Variants in MEFV observed in about 807,000 individuals in gnomAD.
MEFV encodes the protein MEFV innate immunity regulator, pyrin, also known as pyrin.
In MEFV, 60 loss-of-function variants were observed where a neutral mutation model predicts 62.5. The ratio of observed to expected loss-of-function variants is 0.96; its 90% CI spans 0.78 to 1.19. MEFV has a LOEUF of 1.19. Ranked by LOEUF, MEFV falls within the 50% of genes most tolerant of loss-of-function variation. The probability of loss-of-function intolerance (pLI) is 0.00; values close to 1 mark genes in which losing one functional copy is unlikely to be tolerated. For synonymous variants in MEFV, 500 were observed against 415.2 expected, an observed-to-expected ratio of 1.20 and a Z score of -2.48; for missense variants, 1,169 against 1,004.5, an observed-to-expected ratio of 1.16 and a Z score of -2.21.
intron 4 of MEFV, chr16:3,247,482 G>A (rs1958960261): frequency 3.5e-6 from 2 of 566,222 alleles, no homozygotes; most frequent in South Asian, 2.1e-5. Flanking sequence ...AGGTTTAACT[G>A]TGTCCCTTCC....
Position 3,254,499 on chromosome 16 carries a change from G to C in MEFV, c.569C>G (p.Pro190Arg). The change falls in exon 2 of 10, where the codon CCC (proline) becomes CGC (arginine). Residue 190 changes from proline to arginine, a missense_variant. Physicochemically the swap from Pro to Arg is moderately radical, Grantham distance 103 (BLOSUM62 -2). Transcript: ENST00000219596. Reference sequence around the variant, plus strand: ...CTGGCCCCCCTCTAGCGCCCTGCAGGGGCCGGGGCTTCTCCCGCCCGGCAG... The same window carrying C: ...CTGGCCCCCCTCTAGCGCCCTGCAGCGGCCGGGGCTTCTCCCGCCCGGCAG... Reference protein sequence around the residue: ...PALPGGRSPGPCRALEGGQAE... With the variant: ...PALPGGRSPGRCRALEGGQAE... 1 of 1,572,566 alleles carries C rather than the reference G, an allele frequency of 6.4e-7. No homozygotes were observed. The highest frequency in any genetic ancestry group is 1.4e-5 in the African/African-American group (1 of 73,796).
In MEFV at chr16:3,256,592, C is replaced by T. The variant is rs933481836; in HGVS notation, c.-5G>A. On this transcript the variant is annotated 5_prime_UTR_variant, in exon 1 of 10. Coordinates refer to ENST00000219596, the MANE Select transcript of MEFV (RefSeq NM_000243.3). ...GTCACTAGGGGTCTTAGCCATGGTG[C>T]TGAGCAGGAGAGGCTCGAGCCAGCT... 1 of 1,614,146 alleles carries T rather than the reference C, an allele frequency of 6.2e-7. No individual in the cohort carries two copies. The highest frequency in any genetic ancestry group is 1.3e-5 in the African/African-American group (1 of 75,018).
Position 3,243,475 on chromosome 16 carries a change from T to C in MEFV, c.2012A>G (p.Lys671Arg). 6.2e-7 allele frequency: 1 copy of C among 1,614,130 alleles called. No homozygotes were observed. The highest frequency in any genetic ancestry group is 1.1e-5 in the South Asian group (1 of 91,082). ...GTTCCCTTTCCTGCTTATGGATGTC[T>C]TGCAGGCTCCCAGGATCCATGCTGT... ...DKTAWILGAC[K>R]TSISRKGNMT... The change falls in exon 10 of 10, where the codon AAG becomes AGG. Residue 671 changes from lysine to arginine, a missense_variant. Lys to Arg is a conservative substitution (Grantham distance 26). Transcript: ENST00000219596.
At chr16:3,248,257 T>C (rs1320768454) in intron 4 of MEFV, among the ~76,000 whole-genome samples, 3 of 142,892 alleles carry the variant, frequency 2.1e-5, no homozygotes, top group African/African-American at 7.9e-5. Context: ...AGACTCCATC[T>C]TGGAAACAAA....
At chr16:3,248,601 G>T in intron 4 of MEFV, 1 of 563,984 alleles carries the variant, frequency 1.8e-6, no homozygotes, top group Non-Finnish European at 2.7e-6. Context: ...AAAAAAGAAA[G>T]TGGCGTTCTC....
Position 3,254,605 on chromosome 16 carries a change from TC to T in MEFV, c.462del (p.Arg155GlyfsTer4). On this transcript the variant is annotated frameshift_variant, in exon 2 of 10. Transcript: ENST00000219596. LOFTEE classifies it high-confidence loss of function. ...TCTCTGCGTTTGCTCAGGGGCTTCC[TC>T]GACAGCCCCCTCCCGGCCTCGGGCT... ...CSQPEAGRGL[S>X]RKPLSKRREK... 1 of 1,600,692 alleles carries T rather than the reference TC, an allele frequency of 6.2e-7. No individual in the cohort carries two copies. The highest frequency in any genetic ancestry group is 8.5e-7 in the Non-Finnish European group (1 of 1,176,060).
At chr16:3,247,904 C>T (rs1164787790) in intron 4 of MEFV, 1 of 144,206 alleles carries the variant, frequency 6.9e-6, no homozygotes, top group African/African-American at 2.6e-5. Context: ...CACTGCACCC[C>T]AGCCTGGACG....
rs770613291 is a variant in MEFV, at chr16:3,244,582, C to G, written c.1617G>C (p.Lys539Asn). Residue 539 changes from lysine to asparagine, a missense_variant, in exon 7 of 10, where the codon AAG becomes AAC. Lys to Asn is a moderately conservative substitution (Grantham distance 94). Coordinates refer to ENST00000219596, the MANE Select transcript of MEFV (RefSeq NM_000243.3). ...TCCACTTTTCAGGGACAGGCACTGT[C>G]TTAGCCCTAGAGACAAAAGACTGTT... is the stretch of plus-strand genomic sequence containing the variant. ...QDIGDILHRA[K>N]TVPVPEKWTT... The G allele has an allele frequency of 3.1e-6, 5 of 1,613,496 alleles. No individual in the cohort carries two copies. In the Admixed American group the frequency reaches 5.0e-5, roughly 16 times the overall value.
At position 3,242,672 on chromosome 16, in the gene MEFV, CAAAAA is replaced by C. The variant is rs61379197; in HGVS notation, c.*464_*468del. 1,111 of 180,262 alleles carry C rather than the reference CAAAAA, an allele frequency of 6.2e-3. 10 individuals are homozygous for C. The highest frequency in any genetic ancestry group is 0.02 in the African/African-American group (774 of 39,368). The allele number at this position is 180,262 out of a possible 1,614,324, so 11.2% of individuals were successfully genotyped here. A position where few individuals can be genotyped will look rare whatever the true frequency, so the allele number is the denominator to read the frequency against. The stretch of plus-strand genomic sequence containing the variant: ...TGGGCCACAGAGCAAGATTTGGTCT[CAAAAA>C]AAAAAAAAAAAAATCATAGTTCATT... On this transcript the variant is annotated 3_prime_UTR_variant, in exon 10 of 10. Transcript: ENST00000219596.
In MEFV at chr16:3,256,378, G is replaced by A; in HGVS notation, c.210C>T (p.Thr70=). 1 of 1,614,120 alleles carries A rather than the reference G, an allele frequency of 6.2e-7. No individual in the cohort carries two copies. The highest frequency in any genetic ancestry group is 8.5e-7 in the Non-Finnish European group (1 of 1,180,042). The change falls in exon 1 of 10, where the codon ACC becomes ACT. Residue 70 remains threonine, a synonymous_variant. Coordinates refer to ENST00000219596, the MANE Select transcript of MEFV (RefSeq NM_000243.3). ...YYGEEYAVQL[T]LQVLRAINQR... is the part of the protein sequence containing the mutation. Reference sequence around the variant, plus strand: ...GGTTGATGGCCCGCAGGACCTGCAGGGTGAGCTGCACGGCGTACTCTTCCC... The same window carrying A: ...GGTTGATGGCCCGCAGGACCTGCAGAGTGAGCTGCACGGCGTACTCTTCCC...
chr16:3,254,907 C>T (rs1050456386), intron 1 of MEFV, 117 bp from the exon 2 acceptor site: 7 of 1,535,978 alleles, frequency 4.6e-6, no homozygotes, highest in African/African-American at 2.7e-5. Context: ...AGGAAAACAA[C>T]GGGCCGGGCG....
chr16:3,255,127 G>A (rs889191078), intron 1 of MEFV, among the ~76,000 whole-genome samples: 1 of 152,162 alleles, frequency 6.6e-6, no homozygotes, highest in African/African-American at 2.4e-5. Context: ...GACCAGCCTG[G>A]CCAACATGGC....
intron 6 of MEFV, among the ~76,000 whole-genome samples, chr16:3,245,437 T>C (rs1349527629): frequency 6.7e-6 from 1 of 149,950 alleles, no homozygotes; most frequent in Non-Finnish European, 1.5e-5. Flanking sequence ...AGGTCAGGAG[T>C]TTGAGACCAG....
At chr16:3,254,891 A>T (rs904634665) in intron 1 of MEFV, 101 bp from the exon 2 acceptor site, 1 of 1,583,506 alleles carries the variant, frequency 6.3e-7, no homozygotes, top group Non-Finnish European at 8.5e-7. Flanking sequence ...TAAAGTTTAG[A>T]AATTGAGGAA....
At chr16:3,252,064 A>G in intron 2 of MEFV, 1 of 335,898 alleles carries the variant, frequency 3.0e-6, no homozygotes, top group South Asian at 2.2e-5. Context: ...AAAAAAAAAA[A>G]AATTAAAAAA....
intron 3 of MEFV, among the ~76,000 whole-genome samples, 158 bp downstream of exon 3, chr16:3,249,273 C>T (rs1009813385): frequency 6.6e-6 from 1 of 152,194 alleles, no homozygotes; most frequent in Non-Finnish European, 1.5e-5. Flanking sequence ...ACCTGTAGCT[C>T]CCCTCTTTGC....
intron 2 of MEFV, among the ~76,000 whole-genome samples, chr16:3,253,595 C>G (rs1380105924): frequency 6.6e-6 from 1 of 152,178 alleles, no homozygotes; most frequent in Non-Finnish European, 1.5e-5. Flanking sequence ...CTCACTGCAG[C>G]CTGGAACTCC....
At chr16:3,246,431 T>C (rs1164782431) in intron 6 of MEFV, 94 bp downstream of exon 6, 8 of 1,449,312 alleles carry the variant, frequency 5.5e-6, no homozygotes, top group Non-Finnish European at 7.7e-6. Flanking sequence ...ACCCCGGGGT[T>C]GGGAACATCT....
chr16:3,254,342 G>A lies in MEFV; in HGVS notation c.726C>T (p.Ser242=), dbSNP rs104895127. 8.7e-6 allele frequency: 14 copies of A among 1,614,118 alleles called. No individual in the cohort carries two copies. The highest frequency in any genetic ancestry group is 2.2e-5 in the East Asian group (1 of 44,894). ...CCCCTGTAGAAATGGTGACCTCAAG[G>A]CTTCTAGGTCGCATCTTTCCCGAGG... ...YLPSGKMRPR[S]LEVTISTGEK... The change falls in exon 2 of 10, where the codon AGC becomes AGT. Residue 242 remains serine (S), a synonymous_variant. Coordinates refer to ENST00000219596, the MANE Select transcript of MEFV (RefSeq NM_000243.3).
Sources: allele counts gnomAD v4.1 joint callset (sites outside exome capture counted in the v4.1 genomes callset), GRCh38; gene constraint gnomAD v4.1.1; transcripts MANE v1.5; gene names NCBI Gene and HGNC (gene_info 2026-07-23, HGNC 2026-07-21).